Variants in IL1RAP observed in about 807,000 individuals in gnomAD.
IL1RAP encodes interleukin-1 receptor accessory protein.
Under a neutral mutation model 60.7 loss-of-function variants are expected in IL1RAP, and 35 were observed. That is an observed-to-expected ratio of 0.58 (90% CI 0.44 to 0.76). The LOEUF (loss-of-function observed/expected upper bound fraction) is 0.76. IL1RAP is among the 30% of genes least tolerant of loss of function. The pLI, the probability that IL1RAP is intolerant of heterozygous loss-of-function variation, is 0.00. For synonymous variants in IL1RAP, 268 were observed against 250.9 expected (o/e 1.07, Z -0.64); for missense variants, 572 against 693.9 (o/e 0.82, Z 1.97).
At chr3:190,659,044 A>G (rs1734701028) in exon 12 of IL1RAP, 1 of 152,208 alleles carries the variant, frequency 6.6e-6, no homozygotes, top group Non-Finnish European at 1.5e-5. Flanking sequence ...CAAATCTATT[A>G]ATAATGGGTA....
In IL1RAP at chr3:190,591,847, G is replaced by A. The variant is rs567320524; in HGVS notation, c.65-12281G>A. Among the ~76,000 whole-genome samples the A allele has an allele frequency of 8.3e-4, 127 of 152,170 alleles. 1 individual carries two copies. The South Asian group carries it at 0.015, about 18-fold the overall frequency. ...AAAAACAAGCTAATGACTGCTTAGC[G>A]TTTCTCCAGTGTACTGTGTCACACT... On this transcript the variant is annotated intron_variant, in intron 3 of 11. Coordinates refer to ENST00000447382, the MANE Select transcript of IL1RAP (RefSeq NM_002182.4).
At chr3:190,629,760 T>G in intron 9 of IL1RAP, 1 of 1,164,792 alleles carries the variant, frequency 8.6e-7, no homozygotes, top group Non-Finnish European at 1.1e-6. Flanking sequence ...GACACAATTT[T>G]GTGTCTGTAC....
chr3:190,649,099 C>T lies in IL1RAP; in HGVS notation c.*394C>T. On this transcript the variant is annotated 3_prime_UTR_variant, in exon 12 of 12. Coordinates refer to ENST00000447382, the MANE Select transcript of IL1RAP (RefSeq NM_002182.4). ...TCACTGTTGACAGGGTCATGAGTTT[C>T]CGAGTATAGTTTTCTTTTTATCTTA... is the stretch of plus-strand genomic sequence containing the variant. The T allele has an allele frequency of 1.0e-6, 1 of 988,920 alleles. No homozygotes were observed. 61.3% of individuals were successfully genotyped at this position (988,920 alleles called of 1,614,324 possible).
chr3:190,602,099 AAAACT>A (rs1729913117), intron 3 of IL1RAP, among the ~76,000 whole-genome samples: 1 of 152,142 alleles, frequency 6.6e-6, no homozygotes, highest in Non-Finnish European at 1.5e-5. Flanking sequence ...GGGGAAAGGG[AAAACT>A]AGGGCTGTTT....
Position 190,629,207 on chromosome 3 carries a change from G to C in IL1RAP, c.903-143G>C, listed in dbSNP as rs563551141. ...TTACCATTAATACTTTGTAATCACT[G>C]CATTATAGGTGGCTCAGCTTATCAA... On this transcript the variant is annotated intron_variant, in intron 8 of 11. Coordinates refer to ENST00000447382, the MANE Select transcript of IL1RAP (RefSeq NM_002182.4). The C allele has an allele frequency of 1.9e-4, 112 of 586,660 alleles. 1 individual carries two copies. The South Asian group carries it at 2.2e-3, about 11-fold the overall frequency. The allele number at this position is 586,660 out of a possible 1,614,324, so 36.3% of individuals were successfully genotyped here.
rs1734296382 is a variant in IL1RAP, at chr3:190,649,954, G to T, written c.*1249G>T. The T allele has an allele frequency of 1.3e-6, 1 of 765,676 alleles. No individual in the cohort carries two copies. The highest frequency in any genetic ancestry group is 1.9e-5 in the African/African-American group (1 of 52,728). The allele number at this position is 765,676 out of a possible 1,614,324, so 47.4% of individuals were successfully genotyped here. ...AGATTATACATATATATACACACGT[G>T]TATATGAGATATATATCTTATATCT... On this transcript the variant is annotated 3_prime_UTR_variant, in exon 12 of 12. Coordinates refer to ENST00000447382, the MANE Select transcript of IL1RAP (RefSeq NM_002182.4).
chr3:190,546,572 A>T (rs1310524809), intron 1 of IL1RAP, among the ~76,000 whole-genome samples: 1 of 152,248 alleles, frequency 6.6e-6, no homozygotes, highest in Non-Finnish European at 1.5e-5. Flanking sequence ...TAGGTATTTT[A>T]TATATGTTAA....
At chr3:190,534,994 G>T (rs1441770531) in intron 1 of IL1RAP, among the ~76,000 whole-genome samples, 1 of 150,944 alleles carries the variant, frequency 6.6e-6, no homozygotes, top group African/African-American at 2.4e-5. Context: ...TTTAAAATAT[G>T]TCTCAGAGAG....
intron 1 of IL1RAP, among the ~76,000 whole-genome samples, chr3:190,543,705 T>C (rs1724135024): frequency 6.6e-6 from 1 of 152,172 alleles, no homozygotes. Context: ...GGGTGATCTG[T>C]AGCAATATCT....
At chr3:190,517,571 G>A (rs1300348326) in intron 1 of IL1RAP, among the ~76,000 whole-genome samples, 1 of 152,200 alleles carries the variant, frequency 6.6e-6, no homozygotes, top group Non-Finnish European at 1.5e-5. Context: ...TTCTGGCCCA[G>A]GCAGTGGGGC....
At chr3:190,634,545 A>G (rs1733042832) in intron 9 of IL1RAP, among the ~76,000 whole-genome samples, 1 of 151,694 alleles carries the variant, frequency 6.6e-6, no homozygotes, top group South Asian at 2.1e-4. Context: ...GGTTTGTAGT[A>G]TTCTTTTCTT....
rs149906664 is a variant in IL1RAP at position 190,551,424 on chromosome 3, G to T, written c.-88-4706G>T. 5.0e-3 allele frequency among the ~76,000 whole-genome samples: 769 copies of T among 152,296 alleles called. 4 individuals are homozygous for T. The highest frequency in any genetic ancestry group is 0.018 in the African/African-American group (739 of 41,558). ...AGCTTCCAAATTCTAGAGGAACCAG[G>T]CAGAGAGAAACAAACATGCTTCAAA... On this transcript the variant is annotated intron_variant, in intron 1 of 11. Transcript: ENST00000447382.
intron 3 of IL1RAP, among the ~76,000 whole-genome samples, chr3:190,588,414 C>T (rs1211169755): frequency 6.6e-6 from 1 of 152,182 alleles, no homozygotes; most frequent in Non-Finnish European, 1.5e-5. Context: ...GCCCGGCCTA[C>T]ATCTTTCTAA....
At position 190,648,843 on chromosome 3, in the gene IL1RAP, T is replaced by C; in HGVS notation, c.*138T>C. On this transcript the variant is annotated 3_prime_UTR_variant, in exon 12 of 12. Transcript: ENST00000447382. ...CCAATAGGGATAAATTTAGGGTGAC[T>C]GTGTGGCTGACTATTCTGCTTCCTC... is the stretch of plus-strand genomic sequence containing the variant. The C allele has an allele frequency of 2.8e-6, 4 of 1,432,082 alleles. No homozygotes were observed. 88.7% of individuals were successfully genotyped at this position (1,432,082 alleles called of 1,614,324 possible).
chr3:190,515,987 C>A (rs935207469), intron 1 of IL1RAP, among the ~76,000 whole-genome samples: 1 of 152,072 alleles, frequency 6.6e-6, no homozygotes, highest in African/African-American at 2.4e-5. Flanking sequence ...TAAATGGATT[C>A]CCTCCCACAC....
At chr3:190,543,541 T>G (rs999616132) in intron 1 of IL1RAP, among the ~76,000 whole-genome samples, 1 of 152,128 alleles carries the variant, frequency 6.6e-6, no homozygotes, top group Non-Finnish European at 1.5e-5. Flanking sequence ...AGGAAGAAGG[T>G]AGAAATTACA....
chr3:190,547,568 A>G (rs780629346), intron 1 of IL1RAP, among the ~76,000 whole-genome samples: 1 of 152,190 alleles, frequency 6.6e-6, no homozygotes, highest in Non-Finnish European at 1.5e-5. Flanking sequence ...CTGGAATATT[A>G]TCTTTGTGTT....
intron 3 of IL1RAP, among the ~76,000 whole-genome samples, chr3:190,583,808 A>G (rs929045650): frequency 6.6e-6 from 1 of 152,230 alleles, no homozygotes; most frequent in Non-Finnish European, 1.5e-5. Context: ...ATGATTAAAT[A>G]ATTGCCTCTG....
At position 190,604,193 on chromosome 3, in the gene IL1RAP, C is replaced by T. The variant is rs781271382; in HGVS notation, c.130C>T (p.Arg44Cys). The T allele has an allele frequency of 3.1e-6, 5 of 1,613,860 alleles. No homozygotes were observed. The African/African-American group carries it at 4.0e-5, about 13-fold the overall frequency. ...QIQVFEDEPA[R>C]IKCPLFEHFL... Reference sequence around the variant, plus strand: ...CCAAGTGTTTGAAGATGAGCCAGCTCGCATCAAGTGCCCACTCTTTGAACA... The same window carrying T: ...CCAAGTGTTTGAAGATGAGCCAGCTTGCATCAAGTGCCCACTCTTTGAACA... Residue 44 changes from arginine (R) to cysteine (C), a missense_variant, in exon 4 of 12, where the codon CGC (arginine) becomes TGC (cysteine). Physicochemically the swap from Arg to Cys is radical, Grantham distance 180. Transcript: ENST00000447382.
Sources: allele counts gnomAD v4.1 joint callset (sites outside exome capture counted in the v4.1 genomes callset), GRCh38; gene constraint gnomAD v4.1.1; transcripts MANE v1.5; gene names NCBI Gene and HGNC (gene_info 2026-07-23, HGNC 2026-07-21).